The following PHC3 variants were observed in gnomAD, a reference collection of about 807,000 sequenced individuals.
PHC3 encodes polyhomeotic homolog 3, also known as polyhomeotic-like protein 3.
PHC3 carries 13 observed loss-of-function variants against 107.4 expected under a neutral mutation model. The ratio of observed to expected loss-of-function variants is 0.12; its 90% CI spans 0.08 to 0.19. The LOEUF is 0.19. PHC3 is among the 10% of genes least tolerant of loss of function. The pLI, the probability that PHC3 is intolerant of heterozygous loss-of-function variation, is 1.00. For missense variants in PHC3, 992 were observed against 1,210.9 expected (o/e 0.82, Z 2.68); for synonymous variants, 456 against 427.4 (o/e 1.07, Z -0.83).
At chr3:170,154,476 A>G (rs1213539662) in intron 4 of PHC3, among the ~76,000 whole-genome samples, 1 of 152,170 alleles carries the variant, frequency 6.6e-6, no homozygotes, top group East Asian at 1.9e-4. Flanking sequence ...AAAGAAATGT[A>G]CTCTTAGTAA....
intron 1 of PHC3, among the ~76,000 whole-genome samples, chr3:170,179,701 C>T (rs760690724): frequency 1.9e-4 from 29 of 152,208 alleles, no homozygotes; most frequent in Admixed American, 5.9e-4. Context: ...TTATACCAGA[C>T]TTTCTTCCCT....
rs142199773 is a variant in PHC3, at chr3:170,130,776, A to G, written c.920-1224T>C. On this transcript the variant is annotated intron_variant, in intron 7 of 14. Coordinates refer to ENST00000495893, the MANE Select transcript of PHC3 (RefSeq NM_024947.4). ...TTCTGCAAACTGGTGGCACATGTTT[A>G]TAGAAAGGGAGATGCTGATGAAATC... Among the ~76,000 whole-genome samples the G allele has an allele frequency of 1.2e-4, 18 of 152,330 alleles. No individual in the cohort carries two copies. The East Asian group carries it at 3.3e-3, about 28-fold the overall frequency.
At position 170,094,555 on chromosome 3, in the gene PHC3, T is replaced by C. The variant is rs572875461; in HGVS notation, c.*2675A>G. ...CTCCCCACCTATATCATACTGAAAC[T>C]CTGCTTTAAAGCTCAGGAGAGAGGT... On this transcript the variant is annotated 3_prime_UTR_variant, in exon 15 of 15. Transcript: ENST00000495893. The C allele has an allele frequency of 6.6e-6, 1 of 152,314 alleles. No homozygotes were observed. Among genetic ancestry groups the C allele is most frequent in the Admixed American group, 6.5e-5 (1 of 15,292 alleles). The allele number at this position is 152,314 out of a possible 1,614,324, so 9.4% of individuals were successfully genotyped here. A position where few individuals can be genotyped will look rare whatever the true frequency, so the allele number is the denominator to read the frequency against.
In PHC3 at chr3:170,091,911, T is replaced by A. The variant is rs1169713053; in HGVS notation, c.*5319A>T. The stretch of plus-strand genomic sequence containing the variant: ...AAGGTAATCTAATTTTAAATTTATT[T>A]GAAGAAAGCTTATATAACTACTGTG... On this transcript the variant is annotated 3_prime_UTR_variant, in exon 15 of 15. Transcript: ENST00000495893. 1.3e-5 allele frequency: 2 copies of A among 152,200 alleles called. No homozygotes were observed. Among genetic ancestry groups the A allele is most frequent in the Non-Finnish European group, 2.9e-5 (2 of 68,030 alleles). The allele number at this position is 152,200 out of a possible 1,614,324, so 9.4% of individuals were successfully genotyped here. A position where few individuals can be genotyped will look rare whatever the true frequency, so the allele number is the denominator to read the frequency against.
In PHC3 at chr3:170,179,881, A is replaced by C. The variant is rs1731101145; in HGVS notation, c.15-943T>G. On this transcript the variant is annotated intron_variant, in intron 1 of 14. Coordinates refer to ENST00000495893, the MANE Select transcript of PHC3 (RefSeq NM_024947.4). ...AATGTACCTCGAAGGTGAAAAGCAC[A>C]CAAGAGATTATACTGGTTTTATCTC... is the stretch of plus-strand genomic sequence containing the variant. Among the ~76,000 whole-genome samples, 3 of 152,330 alleles carry C rather than the reference A, an allele frequency of 2.0e-5. 1 individual carries two copies. The highest frequency in any genetic ancestry group is 6.8e-3 in the Middle Eastern group (2 of 294).
At chr3:170,141,980 T>C (rs1390466454) in intron 6 of PHC3, among the ~76,000 whole-genome samples, 1 of 152,236 alleles carries the variant, frequency 6.6e-6, no homozygotes, top group African/African-American at 2.4e-5. Flanking sequence ...TTGTGACTTA[T>C]CTTCAGACAA....
chr3:170,126,543 T>TTTC (rs397954357), intron 8 of PHC3, among the ~76,000 whole-genome samples: 8 of 113,764 alleles, frequency 7.0e-5, no homozygotes, highest in East Asian at 5.1e-4. Flanking sequence ...TTTTTTTTTT[T>TTTC]CCTTTTTCTT....
chr3:170,146,877 CTTTTTTTTTTT>C (rs1035803336), intron 5 of PHC3, among the ~76,000 whole-genome samples: 1 of 97,998 alleles, frequency 1.0e-5, no homozygotes, highest in Non-Finnish European at 2.1e-5. Flanking sequence ...TCTATTTTTT[CTTTTTTTTTTT>C]TTTTTTTTTT....
At chr3:170,137,477 AT>A (rs1395637692) in intron 6 of PHC3, among the ~76,000 whole-genome samples, 4 of 152,166 alleles carry the variant, frequency 2.6e-5, no homozygotes, top group Non-Finnish European at 5.9e-5. Context: ...TCTAGAATGA[AT>A]GTATCAAATA....
intron 4 of PHC3, among the ~76,000 whole-genome samples, chr3:170,158,473 G>A (rs1180935320): frequency 6.6e-6 from 1 of 151,980 alleles, no homozygotes; most frequent in South Asian, 2.1e-4. Context: ...ATAGTGGCAG[G>A]CACCTGTAAT....
chr3:170,089,950 A>T lies in PHC3; in HGVS notation c.*7280T>A, dbSNP rs1369844682. 2.6e-5 allele frequency: 4 copies of T among 151,294 alleles called. No individual in the cohort carries two copies. The highest frequency in any genetic ancestry group is 4.4e-5 in the Non-Finnish European group (3 of 67,918). The allele number at this position is 151,294 out of a possible 1,614,324, so 9.4% of individuals were successfully genotyped here. On this transcript the variant is annotated 3_prime_UTR_variant, in exon 15 of 15. Coordinates refer to ENST00000495893, the MANE Select transcript of PHC3 (RefSeq NM_024947.4). The stretch of plus-strand genomic sequence containing the variant: ...AAAAGAAAAAAAAAAAAAAAGAAAG[A>T]AAGTTGCTCACTGTCAATACTGGGT...
rs989986656 is a variant in PHC3 at position 170,092,789 on chromosome 3, C to T, written c.*4441G>A. 7 of 152,170 alleles carry T rather than the reference C, an allele frequency of 4.6e-5. No individual in the cohort carries two copies. The highest frequency in any genetic ancestry group is 1.7e-4 in the African/African-American group (7 of 41,444). 9.4% of individuals were successfully genotyped at this position (152,170 alleles called of 1,614,324 possible). A position where few individuals can be genotyped will look rare whatever the true frequency, so the allele number is the denominator to read the frequency against. On this transcript the variant is annotated 3_prime_UTR_variant, in exon 15 of 15. Coordinates refer to ENST00000495893, the MANE Select transcript of PHC3 (RefSeq NM_024947.4). Reference sequence around the variant, plus strand: ...CACCTTTTTCAGAAATCAAAAATCACTAACTTCTACATCACTGGAACTATT... The same window carrying T: ...CACCTTTTTCAGAAATCAAAAATCATTAACTTCTACATCACTGGAACTATT...
intron 7 of PHC3, among the ~76,000 whole-genome samples, chr3:170,134,258 C>T (rs577366030): frequency 6.6e-4 from 101 of 151,966 alleles, no homozygotes; most frequent in African/African-American, 2.3e-3. Flanking sequence ...GGGGCGATTC[C>T]GGCTCACTGT....
At chr3:170,158,129 A>G (rs1424511547) in intron 4 of PHC3, among the ~76,000 whole-genome samples, 1 of 152,140 alleles carries the variant, frequency 6.6e-6, no homozygotes, top group East Asian at 1.9e-4. Flanking sequence ...ACACAAATCT[A>G]GACTATTGGA....
chr3:170,088,547 A>G lies in PHC3; in HGVS notation c.*8683T>C. The G allele has an allele frequency of 6.6e-6, 1 of 152,182 alleles. No homozygotes were observed. Among genetic ancestry groups the G allele is most frequent in the East Asian group, 1.9e-4 (1 of 5,200 alleles). 9.4% of individuals were successfully genotyped at this position (152,182 alleles called of 1,614,324 possible). The stretch of plus-strand genomic sequence containing the variant: ...AAAACAAAGACCAAGCTTTTGAAGG[A>G]GAGGACTGGGAATCTAGTTTAAATG... On this transcript the variant is annotated 3_prime_UTR_variant, in exon 15 of 15. Transcript: ENST00000495893.
In PHC3 at chr3:170,149,014, G is replaced by A. The variant is rs765800558; in HGVS notation, c.573+72C>T. ...TTAAATATTAAAAATACCTCTTATT[G>A]TATCAAATCAAGAAACATTTTGATC... On this transcript the variant is annotated intron_variant, in intron 5 of 14. Transcript: ENST00000495893. 2.4e-5 allele frequency: 34 copies of A among 1,417,668 alleles called. 1 individual carries two copies. In the South Asian group the frequency reaches 4.0e-4, roughly 17 times the overall value. The allele number at this position is 1,417,668 out of a possible 1,614,324, so 87.8% of individuals were successfully genotyped here.
chr3:170,140,392 T>C (rs769753909), intron 6 of PHC3, among the ~76,000 whole-genome samples: 1 of 151,280 alleles, frequency 6.6e-6, no homozygotes, highest in Non-Finnish European at 1.5e-5. Flanking sequence ...TAGCTAGGAC[T>C]ACAGGCTTGT....
intron 7 of PHC3, among the ~76,000 whole-genome samples, chr3:170,133,366 A>G (rs1722564296): frequency 6.6e-6 from 1 of 151,974 alleles, no homozygotes; most frequent in Non-Finnish European, 1.5e-5. Flanking sequence ...TTTAGTAGAG[A>G]CGGGGTTTCA....
At chr3:170,106,993 T>A (rs1257083875) in intron 11 of PHC3, 47 bp from the exon 12 acceptor site, 3 of 1,403,034 alleles carry the variant, frequency 2.1e-6, no homozygotes, top group Non-Finnish European at 2.9e-6. Flanking sequence ...AAAATTTAAT[T>A]ATGCAAATTT....
Sources: gnomAD v4.1 joint callset for allele counts (sites outside exome capture counted in the v4.1 genomes callset) on GRCh38, gnomAD v4.1.1 for gene constraint, MANE v1.5 for transcripts, NCBI Gene and HGNC (gene_info 2026-07-23, HGNC 2026-07-21) for gene names.